The following THEMIS variants were observed in gnomAD, a reference collection of about 807,000 sequenced individuals.
THEMIS encodes protein THEMIS.
In THEMIS, 37 loss-of-function variants were observed where a neutral mutation model predicts 52.6. The observed-to-expected ratio is 0.70, with a 90% CI of 0.54 to 0.93. The LOEUF (loss-of-function observed/expected upper bound fraction) is 0.93, where lower values mean the gene tolerates loss of function less well. THEMIS is among the 40% of genes least tolerant of loss of function. The probability of loss-of-function intolerance (pLI) is 0.00; values close to 1 mark genes in which losing one functional copy is unlikely to be tolerated. For missense variants in THEMIS, 808 were observed against 763.1 expected, an observed-to-expected ratio of 1.06 and a Z score of -0.69; for synonymous variants, 292 against 272.7, an observed-to-expected ratio of 1.07 and a Z score of -0.70.
intron 2 of THEMIS, among the ~76,000 whole-genome samples, chr6:127,833,453 T>C (rs1299473957): frequency 2.6e-5 from 4 of 152,206 alleles, no homozygotes; most frequent in Non-Finnish European, 5.9e-5. Flanking sequence ...AGTTACAATT[T>C]TTACAACTGG....
chr6:127,798,960 C>G, intron 4 of THEMIS, among the ~76,000 whole-genome samples: 1 of 146,606 alleles, frequency 6.8e-6, no homozygotes, highest in African/African-American at 2.5e-5. Flanking sequence ...CCACTGCAGT[C>G]CAGCCTGGGC....
In THEMIS at chr6:127,731,864, A is replaced by AT. The variant is rs58263706; in HGVS notation, c.1759-12042dup. ...AGGTGCATGCCACCATGCCCGGCTAATTTTTTTTTTTTTTTTTTTTTTTAG... is the reference window on the plus strand; with the variant it reads ...AGGTGCATGCCACCATGCCCGGCTAATTTTTTTTTTTTTTTTTTTTTTTTAG... On this transcript the variant is annotated intron_variant, in intron 4 of 5. Transcript: ENST00000368248. Among the ~76,000 whole-genome samples the AT allele has an allele frequency of 9.3e-4, 39 of 41,712 alleles. 4 individuals carry two copies. The East Asian group carries it at 0.013, about 14-fold the overall frequency. The allele number at this position is 41,712 out of a possible 152,430, so 27.4% of individuals were successfully genotyped here.
chr6:127,857,069 T>C (rs890790074), intron 1 of THEMIS, among the ~76,000 whole-genome samples: 7 of 103,740 alleles, frequency 6.7e-5, no homozygotes, highest in African/African-American at 1.7e-4. Context: ...TCAGCAAACT[T>C]TGATTAAAAA....
At chr6:127,891,992 G>A (rs1780826854) in intron 1 of THEMIS, among the ~76,000 whole-genome samples, 1 of 152,092 alleles carries the variant, frequency 6.6e-6, no homozygotes, top group Admixed American at 6.6e-5. Flanking sequence ...ATCTTTCCTT[G>A]GCTGATTCCT....
rs150718096 is a variant in THEMIS, at chr6:127,849,503, G to A, written c.250+5527C>T. 9.9e-5 allele frequency among the ~76,000 whole-genome samples: 15 copies of A among 151,892 alleles called. No individual in the cohort carries two copies. In the East Asian group the frequency reaches 2.9e-3, roughly 30 times the overall value. On this transcript the variant is annotated intron_variant, in intron 2 of 5. Transcript: ENST00000368248. ...ACAGAATTTCAAATTATACTACAAGGCTATAGTCACCAAAACAACATAGTA... is the reference window on the plus strand; with the variant it reads ...ACAGAATTTCAAATTATACTACAAGACTATAGTCACCAAAACAACATAGTA...
At chr6:127,912,803 A>T (rs1781440747) in intron 1 of THEMIS, among the ~76,000 whole-genome samples, 2 of 152,238 alleles carry the variant, frequency 1.3e-5, no homozygotes, top group Non-Finnish European at 2.9e-5. Flanking sequence ...TCCTGAAAAT[A>T]TGACAAATTT....
intron 4 of THEMIS, among the ~76,000 whole-genome samples, chr6:127,758,513 A>G (rs1194330893): frequency 6.7e-6 from 1 of 149,974 alleles, no homozygotes; most frequent in African/African-American, 2.4e-5. Flanking sequence ...CCCAATACAT[A>G]TTTCTTGAAT....
chr6:127,823,969 T>C (rs1391233603), intron 3 of THEMIS, among the ~76,000 whole-genome samples: 1 of 152,150 alleles, frequency 6.6e-6, no homozygotes, highest in Non-Finnish European at 1.5e-5. Flanking sequence ...CCTATGTGCC[T>C]GAGGAGGCAA....
At chr6:127,789,491 T>C (rs1777088489) in intron 4 of THEMIS, among the ~76,000 whole-genome samples, 2 of 152,044 alleles carry the variant, frequency 1.3e-5, no homozygotes, top group African/African-American at 2.4e-5. Context: ...TTCCAAACAA[T>C]AGAAAAAGAG....
At chr6:127,833,100 A>G (rs1212946883) in intron 2 of THEMIS, among the ~76,000 whole-genome samples, 1 of 151,968 alleles carries the variant, frequency 6.6e-6, no homozygotes, top group Non-Finnish European at 1.5e-5. Flanking sequence ...TTCTCAAAAT[A>G]AATTTTATTG....
chr6:127,853,278 T>A (rs1779494668), intron 2 of THEMIS, among the ~76,000 whole-genome samples: 1 of 151,618 alleles, frequency 6.6e-6, no homozygotes, highest in Non-Finnish European at 1.5e-5. Flanking sequence ...AATTGTTACA[T>A]CTAATTAGAG....
At chr6:127,717,985 A>T (rs987608359) in intron 5 of THEMIS, among the ~76,000 whole-genome samples, 5 of 151,920 alleles carry the variant, frequency 3.3e-5, no homozygotes, top group Admixed American at 1.3e-4. Flanking sequence ...AGGCTACTAC[A>T]TATTCCATGA....
intron 2 of THEMIS, among the ~76,000 whole-genome samples, chr6:127,836,176 G>A (rs978269835): frequency 6.6e-6 from 1 of 152,076 alleles, no homozygotes; most frequent in Non-Finnish European, 1.5e-5. Context: ...TTTTGTTAAT[G>A]GAATGTTAGT....
At chr6:127,833,492 G>C (rs561278991) in intron 2 of THEMIS, among the ~76,000 whole-genome samples, 1 of 152,238 alleles carries the variant, frequency 6.6e-6, no homozygotes, top group East Asian at 1.9e-4. Flanking sequence ...CTCAATCTGA[G>C]CTTTGACATC....
intron 1 of THEMIS, among the ~76,000 whole-genome samples, chr6:127,862,734 C>G (rs961219573): frequency 6.6e-6 from 1 of 151,878 alleles, no homozygotes. Flanking sequence ...GAGATGAATT[C>G]TATGCATTCT....
chr6:127,824,095 T>G (rs1180280750), intron 3 of THEMIS, among the ~76,000 whole-genome samples: 1 of 152,040 alleles, frequency 6.6e-6, no homozygotes, highest in Non-Finnish European at 1.5e-5. Context: ...CAGGGATTAT[T>G]CAAATGTCTG....
At chr6:127,836,946 T>A (rs1778892375) in intron 2 of THEMIS, among the ~76,000 whole-genome samples, 1 of 152,128 alleles carries the variant, frequency 6.6e-6, no homozygotes, top group Non-Finnish European at 1.5e-5. Context: ...GTAACTCCTA[T>A]GGAACTGCCT....
intron 1 of THEMIS, among the ~76,000 whole-genome samples, chr6:127,908,147 C>A (rs1486000978): frequency 6.6e-6 from 1 of 151,938 alleles, no homozygotes; most frequent in Non-Finnish European, 1.5e-5. Flanking sequence ...ATGTTTCTTC[C>A]CATGTAAGTT....
At chr6:127,881,874 C>T (rs900839697) in intron 1 of THEMIS, among the ~76,000 whole-genome samples, 1 of 151,394 alleles carries the variant, frequency 6.6e-6, no homozygotes, top group Non-Finnish European at 1.5e-5. Flanking sequence ...ACATTTTTAT[C>T]TTTATTTTTA....
Sources: allele counts gnomAD v4.1 joint callset (sites outside exome capture counted in the v4.1 genomes callset), GRCh38; gene constraint gnomAD v4.1.1; transcripts MANE v1.5; gene names NCBI Gene and HGNC (gene_info 2026-07-23, HGNC 2026-07-21).